Variants in SLC24A2 observed in about 807,000 individuals in gnomAD.
SLC24A2 encodes solute carrier family 24 member 2.
A neutral mutation model predicts 62.0 loss-of-function variants in SLC24A2; 36 were observed. The observed-to-expected ratio is 0.58, with a 90% CI of 0.44 to 0.77. The LOEUF (loss-of-function observed/expected upper bound fraction) is 0.77, where lower values mean the gene tolerates loss of function less well. Ranked by LOEUF, SLC24A2 falls within the 30% of genes least tolerant of loss-of-function variation. The pLI, the probability that SLC24A2 is intolerant of heterozygous loss-of-function variation, is 0.00. For synonymous variants in SLC24A2, 358 were observed against 294.0 expected (o/e 1.22, Z -2.23); for missense variants, 846 against 817.9 (o/e 1.03, Z -0.42).
chr9:20,155,466 A>C, the SLC24A2 span, among the ~76,000 whole-genome samples: 1 of 151,820 alleles, frequency 6.6e-6, no homozygotes, highest in Non-Finnish European at 1.5e-5. Flanking sequence ...TTTGCCTCTT[A>C]GATATTTGTG....
the SLC24A2 span, among the ~76,000 whole-genome samples, chr9:20,101,265 G>A: frequency 6.6e-6 from 1 of 152,230 alleles, no homozygotes; most frequent in East Asian, 1.9e-4. Flanking sequence ...GATGCTGGAG[G>A]AATAGAAGTG....
the SLC24A2 span, among the ~76,000 whole-genome samples, chr9:19,941,302 C>T: frequency 1.3e-5 from 2 of 152,060 alleles, no homozygotes; most frequent in Admixed American, 1.3e-4. Flanking sequence ...AAACTTGAAG[C>T]CTTCTTCTCT....
intron 7 of SLC24A2, among the ~76,000 whole-genome samples, chr9:19,567,387 A>C (rs1052656270): frequency 6.6e-6 from 1 of 151,554 alleles, no homozygotes; most frequent in Non-Finnish European, 1.5e-5. Context: ...TCTACTAAAA[A>C]TACAAAAAAT....
the SLC24A2 span, among the ~76,000 whole-genome samples, chr9:20,103,054 C>A: frequency 5.9e-5 from 9 of 152,360 alleles, no homozygotes; most frequent in South Asian, 6.2e-4. Context: ...TATCCCACGC[C>A]TGGCTTGGAG....
intron 8 of SLC24A2, among the ~76,000 whole-genome samples, chr9:19,545,572 C>A: frequency 6.6e-6 from 1 of 152,082 alleles, no homozygotes; most frequent in East Asian, 1.9e-4. Flanking sequence ...TATCTACCGT[C>A]GGTCTTTGTA....
the SLC24A2 span, among the ~76,000 whole-genome samples, chr9:19,845,418 G>T: frequency 6.6e-6 from 1 of 152,190 alleles, no homozygotes; most frequent in Non-Finnish European, 1.5e-5. Context: ...CCTTTCGGCA[G>T]AGTCTTTAGG....
the SLC24A2 span, among the ~76,000 whole-genome samples, chr9:20,304,946 T>C: frequency 6.6e-6 from 1 of 151,382 alleles, no homozygotes; most frequent in Non-Finnish European, 1.5e-5. Flanking sequence ...CAGCCCACAA[T>C]GAGTCTTATG....
chr9:19,887,990 G>A, the SLC24A2 span, among the ~76,000 whole-genome samples: 1 of 152,160 alleles, frequency 6.6e-6, no homozygotes, highest in Non-Finnish European at 1.5e-5. Flanking sequence ...AGGGGAAAGT[G>A]GAGTGAGGGA....
At chr9:19,849,101 A>G in the SLC24A2 span, among the ~76,000 whole-genome samples, 1 of 152,222 alleles carries the variant, frequency 6.6e-6, no homozygotes, top group Non-Finnish European at 1.5e-5. Context: ...GAGTGGGCAG[A>G]GACCCTGGGG....
At chr9:20,023,565 C>CA in the SLC24A2 span, among the ~76,000 whole-genome samples, 1 of 152,096 alleles carries the variant, frequency 6.6e-6, no homozygotes, top group South Asian at 2.1e-4. Context: ...GAAAGCCCCC[C>CA]CACCTATAAC....
At chr9:20,111,173 T>C in the SLC24A2 span, among the ~76,000 whole-genome samples, 1 of 152,230 alleles carries the variant, frequency 6.6e-6, no homozygotes, top group South Asian at 2.1e-4. Context: ...CCCTACTGCA[T>C]TTGGTTCGAT....
intron 2 of SLC24A2, among the ~76,000 whole-genome samples, chr9:19,695,100 T>A (rs7849291): frequency 0.37 from 54,961 of 150,100 alleles, 11,707 homozygotes; most frequent in African/African-American, 0.59. Context: ...TCCCCAGGGG[T>A]TAGAGACATT....
the SLC24A2 span, among the ~76,000 whole-genome samples, chr9:20,090,670 C>T: frequency 6.6e-6 from 1 of 152,004 alleles, no homozygotes; most frequent in Non-Finnish European, 1.5e-5. Context: ...AAATCCTTGG[C>T]CCTGTGAAAA....
At chr9:19,903,061 G>C in the SLC24A2 span, among the ~76,000 whole-genome samples, 1 of 150,632 alleles carries the variant, frequency 6.6e-6, no homozygotes, top group African/African-American at 2.4e-5. Flanking sequence ...TTAATAAGCA[G>C]GTTTTTCAAT....
At chr9:20,046,543 GA>G in the SLC24A2 span, among the ~76,000 whole-genome samples, 4 of 152,180 alleles carry the variant, frequency 2.6e-5, no homozygotes, top group East Asian at 7.7e-4. Context: ...TTTCTGTTAA[GA>G]ATGCTATCCA....
At chr9:19,651,136 G>A (rs1818789842) in intron 2 of SLC24A2, among the ~76,000 whole-genome samples, 1 of 152,122 alleles carries the variant, frequency 6.6e-6, no homozygotes, top group Non-Finnish European at 1.5e-5. Context: ...TACCTCATCT[G>A]CAGTTATCCT....
the SLC24A2 span, among the ~76,000 whole-genome samples, chr9:20,228,719 G>C: frequency 5.3e-5 from 8 of 152,188 alleles, no homozygotes; most frequent in Non-Finnish European, 1.0e-4. Flanking sequence ...GGTATAACCA[G>C]TGTGGCACCC....
the SLC24A2 span, among the ~76,000 whole-genome samples, chr9:20,035,786 A>C: frequency 2.0e-5 from 3 of 152,126 alleles, no homozygotes; most frequent in African/African-American, 7.2e-5. Flanking sequence ...TGAAATGGAC[A>C]TCTCTCTGAA....
chr9:19,895,067 T>C, the SLC24A2 span, among the ~76,000 whole-genome samples: 1 of 152,288 alleles, frequency 6.6e-6, no homozygotes, highest in East Asian at 1.9e-4. Flanking sequence ...TTATTTTAAC[T>C]CTATAAAGAA....
Sources: allele counts gnomAD v4.1 joint callset (sites outside exome capture counted in the v4.1 genomes callset), GRCh38; gene constraint gnomAD v4.1.1; transcripts MANE v1.5; gene names NCBI Gene and HGNC (gene_info 2026-07-23, HGNC 2026-07-21).